The following LRMDA variants were observed in gnomAD, a reference collection of about 807,000 sequenced individuals.
LRMDA encodes the protein leucine-rich melanocyte differentiation-associated protein.
In LRMDA, 18 loss-of-function variants were observed where a neutral mutation model predicts 29.8. The ratio of observed to expected loss-of-function variants is 0.60; its 90% CI spans 0.42 to 0.90. LRMDA has a LOEUF of 0.90. Ranked by LOEUF, LRMDA falls within the 40% of genes least tolerant of loss-of-function variation. The probability of loss-of-function intolerance (pLI) is 0.00; values close to 1 mark genes in which losing one functional copy is unlikely to be tolerated. For missense variants in LRMDA, 273 were observed against 273.9 expected (o/e 1.00, Z 0.02); for synonymous variants, 125 against 109.4 (o/e 1.14, Z -0.89).
Position 75,483,584 on chromosome 10 carries a change from G to A in LRMDA, c.131+45090G>A, listed in dbSNP as rs535200523. 1.4e-4 allele frequency among the ~76,000 whole-genome samples: 21 copies of A among 152,250 alleles called. No homozygotes were observed. The South Asian group carries it at 3.5e-3, about 26-fold the overall frequency. ...AAACAGGATTAATACCTACTTCATA[G>A]CATTGTGAAACGTGCTTTGCAAAAA... On this transcript the variant is annotated intron_variant, in intron 2 of 6. Coordinates refer to ENST00000611255, the MANE Select transcript of LRMDA (RefSeq NM_001305581.2).
intron 2 of LRMDA, among the ~76,000 whole-genome samples, chr10:75,564,010 C>T (rs1589186496): frequency 1.3e-5 from 2 of 152,322 alleles, no homozygotes; most frequent in Middle Eastern, 6.8e-3. Flanking sequence ...AGGTAGTCTG[C>T]CCGTTCTCAG....
At chr10:76,544,238 G>A (rs1263738303) in intron 6 of LRMDA, among the ~76,000 whole-genome samples, 2 of 152,186 alleles carry the variant, frequency 1.3e-5, no homozygotes, top group Non-Finnish European at 2.9e-5. Flanking sequence ...GGAGCCAGAT[G>A]TATTCTATTA....
At chr10:76,450,690 TTTAC>T (rs1359633952) in intron 6 of LRMDA, among the ~76,000 whole-genome samples, 2 of 152,170 alleles carry the variant, frequency 1.3e-5, no homozygotes, top group Non-Finnish European at 2.9e-5. Flanking sequence ...TTGTTTCAGT[TTTAC>T]TTCTGTTTAT....
At chr10:75,996,097 G>A (rs753441189) in intron 2 of LRMDA, among the ~76,000 whole-genome samples, 14 of 152,256 alleles carry the variant, frequency 9.2e-5, no homozygotes, top group Non-Finnish European at 2.1e-4. Flanking sequence ...AAGAATCACT[G>A]TGTTTATAGG....
intron 6 of LRMDA, among the ~76,000 whole-genome samples, chr10:76,480,421 C>G (rs894761230): frequency 1.3e-5 from 2 of 151,816 alleles, no homozygotes; most frequent in Non-Finnish European, 2.9e-5. Context: ...TTTCTGAAGT[C>G]ATAGAATAGT....
chr10:76,473,444 TGATCAG>T (rs1241373621), intron 6 of LRMDA, among the ~76,000 whole-genome samples: 2 of 151,482 alleles, frequency 1.3e-5, no homozygotes, highest in Non-Finnish European at 3.0e-5. Context: ...TTCCCCCCTA[TGATCAG>T]GAACAAGACC....
intron 6 of LRMDA, among the ~76,000 whole-genome samples, chr10:76,476,277 C>T (rs578142456): frequency 4.6e-4 from 70 of 152,170 alleles, no homozygotes; most frequent in Non-Finnish European, 7.9e-4. Context: ...AACACCTCTA[C>T]GCAAATAAAC....
chr10:76,141,000 C>G (rs552590158), intron 5 of LRMDA, among the ~76,000 whole-genome samples: 1 of 152,208 alleles, frequency 6.6e-6, no homozygotes, highest in East Asian at 1.9e-4. Context: ...CCCCCATCTC[C>G]CTCTCCCCTA....
At chr10:75,569,039 G>T (rs1010919042) in intron 2 of LRMDA, among the ~76,000 whole-genome samples, 1 of 152,102 alleles carries the variant, frequency 6.6e-6, no homozygotes, top group African/African-American at 2.4e-5. Context: ...TACTGGTGGG[G>T]CTCAATCCAC....
At chr10:76,034,496 C>T (rs777645096) in intron 2 of LRMDA, among the ~76,000 whole-genome samples, 4 of 152,154 alleles carry the variant, frequency 2.6e-5, no homozygotes, top group Non-Finnish European at 4.4e-5. Flanking sequence ...TGAGTGGGAC[C>T]ACCCCGAGGT....
chr10:76,370,841 TTATAAGTTGAGGATGGAAG>T (rs1175839005), intron 6 of LRMDA, among the ~76,000 whole-genome samples: 1 of 152,096 alleles, frequency 6.6e-6, no homozygotes, highest in Non-Finnish European at 1.5e-5. Flanking sequence ...GGTCAACCCA[TTATAAGTTGAGGATGGAAG>T]GTCTGTCTAT....
chr10:76,075,338 G>A (rs548895740), intron 5 of LRMDA, among the ~76,000 whole-genome samples: 5 of 152,308 alleles, frequency 3.3e-5, no homozygotes, highest in Middle Eastern at 3.4e-3. Context: ...GGGTGCCCAT[G>A]CACAGAGAGA....
chr10:75,506,566 C>T (rs1295453967), intron 2 of LRMDA, among the ~76,000 whole-genome samples: 1 of 152,204 alleles, frequency 6.6e-6, no homozygotes, highest in Non-Finnish European at 1.5e-5. Context: ...GAGAGCAAAC[C>T]ATGAAACTCT....
chr10:75,548,426 C>A (rs891136996), intron 2 of LRMDA, among the ~76,000 whole-genome samples: 1 of 152,158 alleles, frequency 6.6e-6, no homozygotes, highest in African/African-American at 2.4e-5. Flanking sequence ...CTTTCCCATG[C>A]AACAGTGAGG....
intron 5 of LRMDA, among the ~76,000 whole-genome samples, chr10:76,229,744 G>A (rs528176699): frequency 1.3e-5 from 2 of 152,226 alleles, no homozygotes; most frequent in African/African-American, 4.8e-5. Context: ...CGGGTGGGAG[G>A]TTGGGGAGGA....
intron 5 of LRMDA, among the ~76,000 whole-genome samples, chr10:76,164,850 G>A (rs1564672302): frequency 1.3e-5 from 2 of 152,158 alleles, no homozygotes; most frequent in African/African-American, 4.8e-5. Context: ...CTCAGACCTT[G>A]TTTGGCTCTA....
chr10:75,652,377 A>G (rs1841610651), intron 2 of LRMDA, among the ~76,000 whole-genome samples: 1 of 152,198 alleles, frequency 6.6e-6, no homozygotes. Context: ...CTTTATGTTC[A>G]CTGTGTAGAC....
At chr10:75,496,464 G>A (rs1845045254) in intron 2 of LRMDA, among the ~76,000 whole-genome samples, 2 of 152,136 alleles carry the variant, frequency 1.3e-5, no homozygotes, top group Admixed American at 1.3e-4. Flanking sequence ...CTTAGTAAAT[G>A]TTTCGTTTGT....
chr10:75,598,530 A>G (rs945293491), intron 2 of LRMDA, among the ~76,000 whole-genome samples: 1 of 152,032 alleles, frequency 6.6e-6, no homozygotes, highest in Non-Finnish European at 1.5e-5. Flanking sequence ...TTCTACTTCA[A>G]TTATTTAAAG....
Sources: gnomAD v4.1 joint callset for allele counts (sites outside exome capture counted in the v4.1 genomes callset) on GRCh38, gnomAD v4.1.1 for gene constraint, MANE v1.5 for transcripts, NCBI Gene and HGNC (gene_info 2026-07-23, HGNC 2026-07-21) for gene names.